CNTN3: variants seen among roughly 807,000 people sequenced by gnomAD.
CNTN3 encodes the protein contactin 3, also known as contactin-3.
A neutral mutation model predicts 119.1 loss-of-function variants in CNTN3; 60 were observed. The observed-to-expected ratio is 0.50, with a 90% CI of 0.41 to 0.62. CNTN3 has a LOEUF of 0.62. CNTN3 is among the 20% of genes least tolerant of loss of function. The pLI, the probability that CNTN3 is intolerant of heterozygous loss-of-function variation, is 0.00. For synonymous variants in CNTN3, 450 were observed against 438.7 expected, an observed-to-expected ratio of 1.03 and a Z score of -0.32; for missense variants, 1,101 against 1,242.4, an observed-to-expected ratio of 0.89 and a Z score of 1.71.
intron 2 of CNTN3, among the ~76,000 whole-genome samples, chr3:74,508,942 T>C (rs1052624458): frequency 6.6e-6 from 1 of 152,108 alleles, no homozygotes; most frequent in African/African-American, 2.4e-5. Context: ...ATCTTAAAAA[T>C]TGAAAGAGTA....
chr3:74,364,540 A>G lies in CNTN3; in HGVS notation c.1140T>C (p.Asp380=), dbSNP rs1279583200. ...ALTISNLSVT[D]SGMFQCIAEN... is the part of the protein sequence containing the mutation. ...CTGCTATGCATTGGAACATGCCAGA[A>G]TCAGTCACACTTAGGTTTGATATTG... is the stretch of plus-strand genomic sequence containing the variant. The change falls in exon 10 of 23, where the codon GAT becomes GAC. Residue 380 remains aspartate (D), a synonymous_variant. Transcript: ENST00000263665. The G allele has an allele frequency of 6.2e-7, 1 of 1,612,210 alleles. No homozygotes were observed. The highest frequency in any genetic ancestry group is 8.5e-7 in the Non-Finnish European group (1 of 1,178,600).
chr3:74,503,907 C>T (rs1703207560), intron 2 of CNTN3, among the ~76,000 whole-genome samples: 1 of 151,972 alleles, frequency 6.6e-6, no homozygotes, highest in East Asian at 1.9e-4. Context: ...TGTTATTTTT[C>T]CCCCCTAACA....
intron 4 of CNTN3, among the ~76,000 whole-genome samples, chr3:74,452,408 A>C (rs1208195949): frequency 7.1e-6 from 1 of 141,214 alleles, no homozygotes; most frequent in East Asian, 2.1e-4. Flanking sequence ...GCTTAAGGAG[A>C]TTTTGGGCTG....
intron 1 of CNTN3, among the ~76,000 whole-genome samples, 189 bp from the exon 2 acceptor site, chr3:74,521,381 A>G (rs574135321): frequency 5.7e-4 from 86 of 151,526 alleles, no homozygotes; most frequent in African/African-American, 2.0e-3. Context: ...CATGTAACTC[A>G]TAGGTAGATG....
chr3:74,336,515 T>A lies in CNTN3; in HGVS notation c.1492+16A>T, dbSNP rs777441895. 9.9e-6 allele frequency: 16 copies of A among 1,609,252 alleles called. No individual in the cohort carries two copies. In the Admixed American group the frequency reaches 2.7e-4, roughly 27 times the overall value. Reference sequence around the variant, plus strand: ...GTGAATCCGTATGTAAAGCAATATTTTAGAAATGGACCTACCCGTAACAAC... The same window carrying A: ...GTGAATCCGTATGTAAAGCAATATTATAGAAATGGACCTACCCGTAACAAC... On this transcript the variant is annotated intron_variant, in intron 12 of 22. Transcript: ENST00000263665.
chr3:74,483,736 G>T (rs989326116), intron 4 of CNTN3, among the ~76,000 whole-genome samples: 1 of 152,128 alleles, frequency 6.6e-6, no homozygotes, highest in Middle Eastern at 3.4e-3. Context: ...GAATAATAAA[G>T]TCCTTAGTCA....
intron 4 of CNTN3, among the ~76,000 whole-genome samples, chr3:74,441,332 C>T (rs915788705): frequency 1.3e-5 from 2 of 152,094 alleles, no homozygotes; most frequent in South Asian, 2.1e-4. Flanking sequence ...ATGGAAACAT[C>T]GCTATCAGTA....
At chr3:74,606,400 C>T (rs1559676896) in intron 1 of CNTN3, among the ~76,000 whole-genome samples, 2 of 151,750 alleles carry the variant, frequency 1.3e-5, no homozygotes. Flanking sequence ...TATCCCCTAT[C>T]CTAATCTATG....
chr3:74,374,281 C>T (rs1249146608), intron 5 of CNTN3, among the ~76,000 whole-genome samples: 2 of 148,752 alleles, frequency 1.3e-5, no homozygotes, highest in Non-Finnish European at 2.9e-5. Flanking sequence ...ACCTTTTTTC[C>T]AGTTTTTTTT....
intron 4 of CNTN3, among the ~76,000 whole-genome samples, chr3:74,459,164 T>C (rs747458204): frequency 6.6e-6 from 1 of 152,008 alleles, no homozygotes; most frequent in Non-Finnish European, 1.5e-5. Flanking sequence ...GTGTTTGTGA[T>C]AATTTTCCTC....
intron 1 of CNTN3, among the ~76,000 whole-genome samples, chr3:74,558,589 A>G (rs1245078392): frequency 1.3e-5 from 2 of 152,190 alleles, no homozygotes; most frequent in African/African-American, 4.8e-5. Context: ...TTAAACCTGA[A>G]TTTGAGTCCT....
chr3:74,404,039 A>G (rs1705261573), intron 5 of CNTN3, among the ~76,000 whole-genome samples: 1 of 151,990 alleles, frequency 6.6e-6, no homozygotes, highest in African/African-American at 2.4e-5. Flanking sequence ...GTCTTTTCCT[A>G]TTTAAATCTA....
At chr3:74,573,262 G>C (rs548243811) in intron 1 of CNTN3, among the ~76,000 whole-genome samples, 1 of 152,000 alleles carries the variant, frequency 6.6e-6, no homozygotes, top group Non-Finnish European at 1.5e-5. Flanking sequence ...GACAGTGTCC[G>C]AGGGTGCACA....
chr3:74,488,954 CTA>C (rs1702910857), intron 3 of CNTN3, among the ~76,000 whole-genome samples: 1 of 152,192 alleles, frequency 6.6e-6, no homozygotes, highest in South Asian at 2.1e-4. Flanking sequence ...ATTTGTGTCA[CTA>C]TGTCTCATTT....
chr3:74,558,445 C>A (rs1037564372), intron 1 of CNTN3, among the ~76,000 whole-genome samples: 3 of 152,112 alleles, frequency 2.0e-5, no homozygotes, highest in African/African-American at 4.8e-5. Flanking sequence ...TATCCCTAAG[C>A]TATATATTTA....
In CNTN3 at chr3:74,302,728, A is replaced by G; in HGVS notation, c.1748T>C (p.Val583Ala). ...GKYVCMVQTGVDSVSSAADLI... is the reference protein window; with the variant it reads ...GKYVCMVQTGADSVSSAADLI... ...GTCAGCAGCAGATGAAACACTGTCC[A>G]CCCCCGTTTGCACCATACAAACATA... The change falls in exon 14 of 23, where the codon GTG becomes GCG. Residue 583 changes from valine to alanine, a missense_variant. Coordinates refer to ENST00000263665, the MANE Select transcript of CNTN3 (RefSeq NM_020872.3). 6.2e-7 allele frequency: 1 copy of G among 1,613,110 alleles called. No homozygotes were observed. The highest frequency in any genetic ancestry group is 1.3e-5 in the African/African-American group (1 of 74,970).
At chr3:74,594,138 T>A (rs1490666786) in intron 1 of CNTN3, among the ~76,000 whole-genome samples, 1 of 151,902 alleles carries the variant, frequency 6.6e-6, no homozygotes, top group Non-Finnish European at 1.5e-5. Context: ...CTGAGTCTGT[T>A]GTGCACTTCC....
chr3:74,580,535 G>A (rs371290216), intron 1 of CNTN3, among the ~76,000 whole-genome samples: 16 of 152,046 alleles, frequency 1.1e-4, no homozygotes, highest in East Asian at 5.8e-4. Flanking sequence ...AAACACATTC[G>A]TATATTTTAA....
chr3:74,613,470 C>A (rs1364701346), intron 1 of CNTN3, among the ~76,000 whole-genome samples: 2 of 152,080 alleles, frequency 1.3e-5, no homozygotes, highest in Non-Finnish European at 2.9e-5. Context: ...GAGCTCTGTT[C>A]CCCTTTCTTT....
Sources: gnomAD v4.1 joint callset for allele counts (sites outside exome capture counted in the v4.1 genomes callset) on GRCh38, gnomAD v4.1.1 for gene constraint, MANE v1.5 for transcripts, NCBI Gene and HGNC (gene_info 2026-07-23, HGNC 2026-07-21) for gene names.